Variants in CTDSPL2 observed in about 807,000 individuals in gnomAD.
The protein encoded by CTDSPL2 is CTD small phosphatase like 2, also known as CTD small phosphatase-like protein 2.
Under a neutral mutation model 60.0 loss-of-function variants are expected in CTDSPL2, and 5 were observed. The observed-to-expected ratio is 0.08, with a 90% CI of 0.04 to 0.18. The LOEUF (loss-of-function observed/expected upper bound fraction) is 0.18. CTDSPL2 is among the 10% of genes least tolerant of loss of function. The pLI, the probability that CTDSPL2 is intolerant of heterozygous loss-of-function variation, is 1.00. For missense variants in CTDSPL2, 370 were observed against 548.8 expected (o/e 0.67, Z 3.26); for synonymous variants, 186 against 189.3 (o/e 0.98, Z 0.14).
At chr15:44,446,385 T>G (rs1166400285) in intron 1 of CTDSPL2, among the ~76,000 whole-genome samples, 2 of 152,088 alleles carry the variant, frequency 1.3e-5, no homozygotes, top group East Asian at 3.9e-4. Flanking sequence ...CCCAGCACTT[T>G]GGGAGGCCAA....
At chr15:44,481,410 G>T (rs1170101467) in intron 2 of CTDSPL2, among the ~76,000 whole-genome samples, 1 of 152,122 alleles carries the variant, frequency 6.6e-6, no homozygotes, top group African/African-American at 2.4e-5. Flanking sequence ...GTAAACAGGG[G>T]AGTAGTATCA....
At chr15:44,449,332 A>G (rs1391777705) in intron 1 of CTDSPL2, 2 of 164,006 alleles carry the variant, frequency 1.2e-5, no homozygotes, top group African/African-American at 2.4e-5. Flanking sequence ...ATAACAGCAC[A>G]TCCCCTGACT....
At chr15:44,457,191 G>T (rs536831166) in intron 1 of CTDSPL2, among the ~76,000 whole-genome samples, 1 of 152,242 alleles carries the variant, frequency 6.6e-6, no homozygotes, top group South Asian at 2.1e-4. Flanking sequence ...TTGAAGCCAG[G>T]CACTGACTTC....
chr15:44,484,843 C>T (rs956037068), intron 3 of CTDSPL2, among the ~76,000 whole-genome samples: 5 of 152,154 alleles, frequency 3.3e-5, no homozygotes, highest in African/African-American at 1.2e-4. Context: ...TTGAATCTTA[C>T]TTTGAATTAA....
chr15:44,528,538 TCA>T lies in CTDSPL2; in HGVS notation c.*4367_*4368del, dbSNP rs1056108063. 6.6e-6 allele frequency: 1 copy of T among 151,922 alleles called. No individual in the cohort carries two copies. Among genetic ancestry groups the T allele is most frequent in the African/African-American group, 2.4e-5 (1 of 41,374 alleles). 9.4% of individuals were successfully genotyped at this position (151,922 alleles called of 1,614,324 possible). On this transcript the variant is annotated 3_prime_UTR_variant, in exon 13 of 13. Transcript: ENST00000260327. ...TTTTTTTTTAAACTGGGACCAGATTTCACAGAGCTTATTCAAGATACATGGAG... is the reference window on the plus strand; with the variant it reads ...TTTTTTTTTAAACTGGGACCAGATTTCAGAGCTTATTCAAGATACATGGAG...
At position 44,512,473 on chromosome 15, in the gene CTDSPL2, A is replaced by G. The variant is rs866030236; in HGVS notation, c.970-2125A>G. On this transcript the variant is annotated intron_variant, in intron 8 of 12. Coordinates refer to ENST00000260327, the MANE Select transcript of CTDSPL2 (RefSeq NM_016396.3). The stretch of plus-strand genomic sequence containing the variant: ...CCTTGAGATGGAATTCAGAAAAAGT[A>G]TTGGCAGAATAGATGGGTTGTTCTT... Among the ~76,000 whole-genome samples, 3 of 152,216 alleles carry G rather than the reference A, an allele frequency of 2.0e-5. No homozygotes were observed. In the South Asian group the frequency reaches 6.2e-4, roughly 31 times the overall value.
At chr15:44,470,772 A>AT (rs1175735147) in intron 2 of CTDSPL2, among the ~76,000 whole-genome samples, 9 of 152,210 alleles carry the variant, frequency 5.9e-5, no homozygotes, top group African/African-American at 1.9e-4. Context: ...TTGTCTATTT[A>AT]TATTTAATGT....
chr15:44,480,423 G>T (rs1312965157), intron 2 of CTDSPL2, among the ~76,000 whole-genome samples: 1 of 152,122 alleles, frequency 6.6e-6, no homozygotes, highest in Non-Finnish European at 1.5e-5. Context: ...TTGCATTTTT[G>T]AGTGTGGGGG....
At chr15:44,485,539 G>A (rs1232235471) in intron 3 of CTDSPL2, among the ~76,000 whole-genome samples, 3 of 152,120 alleles carry the variant, frequency 2.0e-5, no homozygotes, top group African/African-American at 4.8e-5. Context: ...AGTAGGGTTC[G>A]TGTTCCTAAA....
At position 44,526,979 on chromosome 15, in the gene CTDSPL2, T is replaced by A. The variant is rs934712821; in HGVS notation, c.*2805T>A. ...ATTCTTTTAAATATTTGTATCATTG[T>A]TAGGATGTTTTAATCAGTTGTTTTT... is the stretch of plus-strand genomic sequence containing the variant. On this transcript the variant is annotated 3_prime_UTR_variant, in exon 13 of 13. Transcript: ENST00000260327. 1 of 152,246 alleles carries A rather than the reference T, an allele frequency of 6.6e-6. No individual in the cohort carries two copies. The highest frequency in any genetic ancestry group is 2.4e-5 in the African/African-American group (1 of 41,454). 9.4% of individuals were successfully genotyped at this position (152,246 alleles called of 1,614,324 possible).
intron 8 of CTDSPL2, among the ~76,000 whole-genome samples, chr15:44,502,626 T>G (rs1442829709): frequency 6.6e-6 from 1 of 152,174 alleles, no homozygotes; most frequent in African/African-American, 2.4e-5. Flanking sequence ...TATACAAAAA[T>G]CAGTGGCAGG....
intron 1 of CTDSPL2, among the ~76,000 whole-genome samples, chr15:44,444,836 GTTTTT>G (rs35160726): frequency 2.0e-3 from 142 of 69,582 alleles, no homozygotes; most frequent in African/African-American, 8.1e-3. Context: ...ATGGAATGTA[GTTTTT>G]TTTTTTTTTT....
chr15:44,439,121 A>ATATTATTATTATTAT (rs151096962), intron 1 of CTDSPL2, among the ~76,000 whole-genome samples: 2 of 148,960 alleles, frequency 1.3e-5, no homozygotes, highest in African/African-American at 5.0e-5. Flanking sequence ...CCCAAGCTTT[A>ATATTATTATTATTAT]TATTATTATT....
chr15:44,477,316 T>C (rs758188693), intron 2 of CTDSPL2, among the ~76,000 whole-genome samples: 1 of 152,074 alleles, frequency 6.6e-6, no homozygotes, highest in African/African-American at 2.4e-5. Context: ...GTGGATCCCT[T>C]GATCTCAGGA....
At chr15:44,500,500 C>G (rs548394114) in intron 8 of CTDSPL2, among the ~76,000 whole-genome samples, 1 of 152,174 alleles carries the variant, frequency 6.6e-6, no homozygotes, top group South Asian at 2.1e-4. Flanking sequence ...AAGTACGTTT[C>G]TGTTTTGGAG....
Position 44,527,420 on chromosome 15 carries a change from AAC to A in CTDSPL2, c.*3248_*3249del, listed in dbSNP as rs1399462571. 4 of 152,140 alleles carry A rather than the reference AAC, an allele frequency of 2.6e-5. No homozygotes were observed. The highest frequency in any genetic ancestry group is 9.7e-5 in the African/African-American group (4 of 41,438). The allele number at this position is 152,140 out of a possible 1,614,324, so 9.4% of individuals were successfully genotyped here. On this transcript the variant is annotated 3_prime_UTR_variant, in exon 13 of 13. Coordinates refer to ENST00000260327, the MANE Select transcript of CTDSPL2 (RefSeq NM_016396.3). ...TTTTGTTCTGTCAACTTGCCTGAAA[AAC>A]AGAGACTTCATCTCATCAATGAAGA...
chr15:44,526,944 C>G lies in CTDSPL2; in HGVS notation c.*2770C>G, dbSNP rs2081885445. 6.6e-6 allele frequency: 1 copy of G among 152,500 alleles called. No individual in the cohort carries two copies. Among genetic ancestry groups the G allele is most frequent in the Non-Finnish European group, 1.5e-5 (1 of 67,964 alleles). The allele number at this position is 152,500 out of a possible 1,614,324, so 9.4% of individuals were successfully genotyped here. A position where few individuals can be genotyped will look rare whatever the true frequency, so the allele number is the denominator to read the frequency against. On this transcript the variant is annotated 3_prime_UTR_variant, in exon 13 of 13. Coordinates refer to ENST00000260327, the MANE Select transcript of CTDSPL2 (RefSeq NM_016396.3). Reference sequence around the variant, plus strand: ...GCTATTTCCAGTGGTAAATGTCTGACTTTTAAGACATTCTTTTAAATATTT... The same window carrying G: ...GCTATTTCCAGTGGTAAATGTCTGAGTTTTAAGACATTCTTTTAAATATTT...
chr15:44,465,557 T>C (rs1430332770), intron 2 of CTDSPL2, among the ~76,000 whole-genome samples: 2 of 152,166 alleles, frequency 1.3e-5, no homozygotes, highest in Non-Finnish European at 2.9e-5. Flanking sequence ...TTTCTTCTTC[T>C]AAAGGTGATT....
Position 44,486,720 on chromosome 15 carries a change from T to C in CTDSPL2, c.475+20T>C. On this transcript the variant is annotated intron_variant, in intron 4 of 12. Coordinates refer to ENST00000260327, the MANE Select transcript of CTDSPL2 (RefSeq NM_016396.3). ...AAAATGGTAAGTATAAACTGTTAAC[T>C]GTGATTTGGATTTTTTTTAAAAAAA... 1 of 1,471,224 alleles carries C rather than the reference T, an allele frequency of 6.8e-7. No homozygotes were observed. The highest frequency in any genetic ancestry group is 1.4e-5 in the South Asian group (1 of 73,582). The allele number at this position is 1,471,224 out of a possible 1,614,324, so 91.1% of individuals were successfully genotyped here. A position where few individuals can be genotyped will look rare whatever the true frequency, so the allele number is the denominator to read the frequency against.
Sources: gnomAD v4.1 joint callset for allele counts (sites outside exome capture counted in the v4.1 genomes callset) on GRCh38, gnomAD v4.1.1 for gene constraint, MANE v1.5 for transcripts, NCBI Gene and HGNC (gene_info 2026-07-23, HGNC 2026-07-21) for gene names.